Variants in NEGR1 observed in about 807,000 individuals in gnomAD.
The protein encoded by NEGR1 is IgLON family member 4.
A neutral mutation model predicts 40.9 loss-of-function variants in NEGR1; 10 were observed. The ratio of observed to expected loss-of-function variants is 0.24; its 90% CI spans 0.15 to 0.42. NEGR1 has a LOEUF of 0.42. Among genes scored for constraint, NEGR1 ranks in the 10% least tolerant of loss-of-function variants. The pLI is 1.00. For missense variants in NEGR1, 352 were observed against 438.9 expected (o/e 0.80, Z 1.77); for synonymous variants, 185 against 166.8 (o/e 1.11, Z -0.84).
chr1:72,136,592 G>T (rs1351064735), intron 1 of NEGR1, among the ~76,000 whole-genome samples: 1 of 128,688 alleles, frequency 7.8e-6, no homozygotes, highest in African/African-American at 2.7e-5. Flanking sequence ...ACAGGTCTTA[G>T]CCAGCAAAAA....
intron 6 of NEGR1, among the ~76,000 whole-genome samples, chr1:71,473,201 A>G (rs924408778): frequency 6.6e-6 from 1 of 152,110 alleles, no homozygotes; most frequent in African/African-American, 2.4e-5. Flanking sequence ...CACATTCAAT[A>G]CCAGTCAGAA....
chr1:71,829,720 CA>C (rs1191936026), intron 2 of NEGR1, among the ~76,000 whole-genome samples: 1 of 151,854 alleles, frequency 6.6e-6, no homozygotes, highest in East Asian at 1.9e-4. Context: ...TACAACAACA[CA>C]ATCAAAAAAC....
intron 1 of NEGR1, among the ~76,000 whole-genome samples, chr1:72,132,261 G>C (rs1013137570): frequency 6.6e-6 from 1 of 152,096 alleles, no homozygotes; most frequent in African/African-American, 2.4e-5. Context: ...ACTGTCCATA[G>C]AGAATTAAAT....
At chr1:71,554,763 G>T (rs1648201639) in intron 6 of NEGR1, among the ~76,000 whole-genome samples, 2 of 151,424 alleles carry the variant, frequency 1.3e-5, no homozygotes, top group Non-Finnish European at 3.0e-5. Context: ...TGAGCATCAA[G>T]ATCTTGAATT....
At chr1:71,591,909 A>T (rs919783565) in intron 6 of NEGR1, among the ~76,000 whole-genome samples, 2 of 152,072 alleles carry the variant, frequency 1.3e-5, no homozygotes, top group South Asian at 2.1e-4. Context: ...TGAACTATAC[A>T]ATATTTGCAT....
intron 6 of NEGR1, among the ~76,000 whole-genome samples, chr1:71,564,309 A>G (rs993907904): frequency 3.3e-5 from 5 of 152,072 alleles, no homozygotes; most frequent in Non-Finnish European, 7.4e-5. Flanking sequence ...TTTGTTTCCA[A>G]AATTTAAGAA....
chr1:72,082,770 CTTG>C (rs1381189592), intron 1 of NEGR1, among the ~76,000 whole-genome samples: 2 of 151,466 alleles, frequency 1.3e-5, no homozygotes, highest in Non-Finnish European at 2.9e-5. Context: ...TATTTAGTGC[CTTG>C]TTGTTAGAGT....
intron 1 of NEGR1, among the ~76,000 whole-genome samples, chr1:72,206,640 T>C (rs1416128560): frequency 3.3e-5 from 5 of 152,174 alleles, no homozygotes; most frequent in Middle Eastern, 3.4e-3. Flanking sequence ...GTTCTCATAG[T>C]CAAGACCATT....
chr1:71,847,491 T>C (rs749586720), intron 2 of NEGR1, among the ~76,000 whole-genome samples: 21 of 152,218 alleles, frequency 1.4e-4, no homozygotes, highest in Non-Finnish European at 2.5e-4. Flanking sequence ...TTTTCATAAT[T>C]ATTATACGTG....
chr1:71,435,621 T>C (rs1282689893), intron 6 of NEGR1, among the ~76,000 whole-genome samples: 4 of 152,280 alleles, frequency 2.6e-5, no homozygotes, highest in Admixed American at 1.3e-4. Context: ...AACTCCCTAT[T>C]TTGAATGAAT....
intron 1 of NEGR1, among the ~76,000 whole-genome samples, chr1:72,248,460 G>C (rs1435502417): frequency 1.3e-5 from 2 of 151,872 alleles, no homozygotes; most frequent in Admixed American, 1.3e-4. Flanking sequence ...GTTTCGCCAT[G>C]TTGGCCAGGC....
chr1:72,155,981 A>C (rs1348921828), intron 1 of NEGR1, among the ~76,000 whole-genome samples: 1 of 152,168 alleles, frequency 6.6e-6, no homozygotes, highest in Non-Finnish European at 1.5e-5. Context: ...GGTCTGCAAC[A>C]ATACTGGAAA....
chr1:71,585,516 T>C (rs1649273689), intron 6 of NEGR1, among the ~76,000 whole-genome samples: 1 of 152,058 alleles, frequency 6.6e-6, no homozygotes, highest in African/African-American at 2.4e-5. Flanking sequence ...TCAAGGCTGA[T>C]CAATGACAAC....
At position 71,776,226 on chromosome 1, in the gene NEGR1, A is replaced by C. The variant is rs1481577112; in HGVS notation, c.481T>G (p.Leu161Val). The part of the protein sequence containing the change: ...NEGTNVTLTC[L>V]ATGKPEPSIS... Reference sequence around the variant, plus strand: ...GAAGGCTCTGGTTTCCCAGTGGCCAAACAAGTAAGAGTGACGTTGGTTCCT... The same window carrying C: ...GAAGGCTCTGGTTTCCCAGTGGCCACACAAGTAAGAGTGACGTTGGTTCCT... Residue 161 changes from leucine to valine, a missense_variant, in exon 3 of 7, where the codon TTG (leucine) becomes GTG (valine). Transcript: ENST00000357731. 1 of 1,609,640 alleles carries C rather than the reference A, an allele frequency of 6.2e-7. No individual in the cohort carries two copies. The highest frequency in any genetic ancestry group is 2.2e-5 in the East Asian group (1 of 44,684).
intron 1 of NEGR1, among the ~76,000 whole-genome samples, chr1:72,074,188 C>A (rs2100515278): frequency 6.6e-6 from 1 of 151,974 alleles, no homozygotes; most frequent in East Asian, 1.9e-4. Context: ...ATGTTATTAG[C>A]TCCAAAACTG....
intron 6 of NEGR1, among the ~76,000 whole-genome samples, chr1:71,479,454 A>C (rs1347883528): frequency 6.6e-6 from 1 of 152,052 alleles, no homozygotes; most frequent in Non-Finnish European, 1.5e-5. Flanking sequence ...AGAATCAATC[A>C]GTAGAAAAAA....
In NEGR1 at chr1:71,947,467, A is replaced by G. The variant is rs186039723; in HGVS notation, c.177-12156T>C. 2.6e-5 allele frequency among the ~76,000 whole-genome samples: 4 copies of G among 152,322 alleles called. No homozygotes were observed. The East Asian group carries it at 7.7e-4, about 29-fold the overall frequency. ...TGAGAGGGATACAACAAACAATTAC[A>G]GGAATCTCACCCAAAATCATTCCTA... is the stretch of plus-strand genomic sequence containing the variant. On this transcript the variant is annotated intron_variant, in intron 1 of 6. Coordinates refer to ENST00000357731, the MANE Select transcript of NEGR1 (RefSeq NM_173808.3).
rs554653458 is a variant in NEGR1, at chr1:71,652,826, T to C, written c.668-41680A>G. On this transcript the variant is annotated intron_variant, in intron 4 of 6. Transcript: ENST00000357731. The stretch of plus-strand genomic sequence containing the variant: ...TTGCAATGAGCAGAGATCATACTAC[T>C]GCATTCCAGGCTGGGTGAGAGAGTG... 1.1e-3 allele frequency among the ~76,000 whole-genome samples: 166 copies of C among 152,056 alleles called. 1 individual carries two copies. The highest frequency in any genetic ancestry group is 2.0e-3 in the Non-Finnish European group (133 of 67,980).
intron 1 of NEGR1, among the ~76,000 whole-genome samples, chr1:72,217,821 C>T (rs1449212177): frequency 1.3e-5 from 2 of 151,678 alleles, no homozygotes; most frequent in African/African-American, 4.8e-5. Flanking sequence ...AAAATAAGCA[C>T]AAACTTGATT....
Sources: gnomAD v4.1 joint callset for allele counts (sites outside exome capture counted in the v4.1 genomes callset) on GRCh38, gnomAD v4.1.1 for gene constraint, MANE v1.5 for transcripts, NCBI Gene and HGNC (gene_info 2026-07-23, HGNC 2026-07-21) for gene names.